The following ZHX2 variants were observed in gnomAD, a reference collection of about 807,000 sequenced individuals.
The protein encoded by ZHX2 is zinc fingers and homeoboxes protein 2.
ZHX2 carries 6 observed loss-of-function variants against 21.9 expected under a neutral mutation model. That is an observed-to-expected ratio of 0.27 (90% CI 0.15 to 0.54). The LOEUF (loss-of-function observed/expected upper bound fraction) is 0.54. ZHX2 is among the 20% of genes least tolerant of loss of function. The pLI is 0.95. For missense variants in ZHX2, 908 were observed against 1,090.7 expected (o/e 0.83, Z 2.36); for synonymous variants, 434 against 437.1 (o/e 0.99, Z 0.09).
At chr8:122,881,849 C>T (rs776125122) in intron 2 of ZHX2, among the ~76,000 whole-genome samples, 6 of 152,166 alleles carry the variant, frequency 3.9e-5, no homozygotes, top group Admixed American at 3.3e-4. Flanking sequence ...CACTGCGCGA[C>T]TCTCACTATC....
intron 3 of ZHX2, among the ~76,000 whole-genome samples, chr8:122,957,968 C>T (rs546821564): frequency 9.1e-4 from 139 of 152,320 alleles, no homozygotes; most frequent in African/African-American, 3.2e-3. Flanking sequence ...TCAGTGATGT[C>T]CCTATTTAAA....
At chr8:122,888,233 C>T (rs772810225) in intron 2 of ZHX2, among the ~76,000 whole-genome samples, 2 of 151,438 alleles carry the variant, frequency 1.3e-5, no homozygotes, top group African/African-American at 2.4e-5. Flanking sequence ...AACACAGAAA[C>T]GGCCCTTGAT....
intron 1 of ZHX2, among the ~76,000 whole-genome samples, chr8:122,809,571 G>T (rs1212609415): frequency 6.6e-6 from 1 of 152,122 alleles, no homozygotes; most frequent in African/African-American, 2.4e-5. Flanking sequence ...ACAGGGGAAA[G>T]AAAACTCACT....
At chr8:122,816,866 A>C (rs1324121138) in intron 1 of ZHX2, among the ~76,000 whole-genome samples, 1 of 152,184 alleles carries the variant, frequency 6.6e-6, no homozygotes, top group Non-Finnish European at 1.5e-5. Context: ...AAATGGCTTA[A>C]CACATTAGGA....
intron 2 of ZHX2, among the ~76,000 whole-genome samples, chr8:122,907,284 A>ACC (rs1202887900): frequency 2.0e-5 from 3 of 152,146 alleles, no homozygotes; most frequent in Non-Finnish European, 4.4e-5. Flanking sequence ...ATGAGACATC[A>ACC]ATCAGCATAT....
At chr8:122,960,496 C>T (rs1813415087) in intron 3 of ZHX2, among the ~76,000 whole-genome samples, 1 of 152,124 alleles carries the variant, frequency 6.6e-6, no homozygotes, top group South Asian at 2.1e-4. Flanking sequence ...CGAGATCGCA[C>T]AACAGCACTC....
At chr8:122,852,733 AC>A (rs1382132926) in intron 1 of ZHX2, among the ~76,000 whole-genome samples, 1 of 152,134 alleles carries the variant, frequency 6.6e-6, no homozygotes, top group East Asian at 1.9e-4. Context: ...ATGGGACGAG[AC>A]GGGGCAGAGC....
intron 2 of ZHX2, among the ~76,000 whole-genome samples, chr8:122,927,809 A>G (rs1047834022): frequency 6.6e-6 from 1 of 152,228 alleles, no homozygotes; most frequent in African/African-American, 2.4e-5. Flanking sequence ...GGGTGGGGAC[A>G]GAGCCAAACC....
chr8:122,902,760 GAAT>G (rs1197356163), intron 2 of ZHX2, among the ~76,000 whole-genome samples: 2 of 152,170 alleles, frequency 1.3e-5, no homozygotes, highest in African/African-American at 4.8e-5. Flanking sequence ...ACATAGTACT[GAAT>G]AATGTTTAAT....
intron 2 of ZHX2, among the ~76,000 whole-genome samples, chr8:122,926,060 A>T (rs1189108241): frequency 6.6e-6 from 1 of 152,178 alleles, no homozygotes; most frequent in Non-Finnish European, 1.5e-5. Flanking sequence ...TCCTTCACAG[A>T]AGCCACACGC....
intron 2 of ZHX2, among the ~76,000 whole-genome samples, chr8:122,933,540 G>A (rs181603202): frequency 2.6e-5 from 4 of 152,088 alleles, no homozygotes; most frequent in Admixed American, 6.5e-5. Context: ...CAGCTGTTAC[G>A]ATTCTTTCCA....
At chr8:122,871,389 G>A (rs531065400) in intron 2 of ZHX2, among the ~76,000 whole-genome samples, 7 of 151,920 alleles carry the variant, frequency 4.6e-5, no homozygotes, top group African/African-American at 1.7e-4. Context: ...GGACATGGAT[G>A]AAGCTGGAAA....
chr8:122,832,346 G>A (rs1563746433), intron 1 of ZHX2, among the ~76,000 whole-genome samples: 1 of 152,196 alleles, frequency 6.6e-6, no homozygotes, highest in African/African-American at 2.4e-5. Context: ...CAAGGGTGAG[G>A]ACAGCAGCTG....
At chr8:122,798,568 A>C (rs1317983799) in intron 1 of ZHX2, among the ~76,000 whole-genome samples, 1 of 152,144 alleles carries the variant, frequency 6.6e-6, no homozygotes, top group African/African-American at 2.4e-5. Context: ...TGAGGCCGAC[A>C]GATCACTGGA....
chr8:122,921,643 C>CAAGA (rs1820742885), intron 2 of ZHX2, among the ~76,000 whole-genome samples: 1 of 129,394 alleles, frequency 7.7e-6, no homozygotes, highest in Non-Finnish European at 1.6e-5. Context: ...GAGACCCCAT[C>CAAGA]AAGAAAGAGA....
At chr8:122,882,314 C>CACAGAGAGAGAG (rs1554630716) in intron 2 of ZHX2, among the ~76,000 whole-genome samples, 4 of 148,272 alleles carry the variant, frequency 2.7e-5, no homozygotes, top group African/African-American at 1.0e-4. Flanking sequence ...CACACACACA[C>CACAGAGAGAGAG]AGAGAGAGAG....
rs368779118 is a variant in ZHX2 at position 122,953,890 on chromosome 8, G to C, written c.2380G>C (p.Val794Leu). The change falls in exon 3 of 4, where the codon GTG becomes CTG. Residue 794 changes from valine to leucine, a missense_variant. Coordinates refer to ENST00000314393, the MANE Select transcript of ZHX2 (RefSeq NM_014943.5). The surrounding 1 kb of genome is among the most constrained non-coding windows in gnomAD (Gnocchi z 4.6). ...ENEESSVVDY[V>L]EVTVGEEDAI... ...CGAGGAGTCGAGCGTTGTGGATTACGTGGAGGTGACGGTCGGGGAGGAGGA... is the reference window on the plus strand; with the variant it reads ...CGAGGAGTCGAGCGTTGTGGATTACCTGGAGGTGACGGTCGGGGAGGAGGA... 6.2e-7 allele frequency: 1 copy of C among 1,614,178 alleles called. No individual in the cohort carries two copies. The highest frequency in any genetic ancestry group is 8.5e-7 in the Non-Finnish European group (1 of 1,180,026).
chr8:122,945,436 C>CAAAAAAAAAAAAAAAAA lies in ZHX2; in HGVS notation c.-219-5845_-219-5829dup, dbSNP rs60890533. ...CTCTTTTATATAAACCCTGTCTCTG[C>CAAAAAAAAAAAAAAAAA]AAAAAAAAAAAAAAAAAAAAAAAAA... On this transcript the variant is annotated intron_variant, in intron 2 of 3. Coordinates refer to ENST00000314393, the MANE Select transcript of ZHX2 (RefSeq NM_014943.5). 4.1e-4 allele frequency among the ~76,000 whole-genome samples: 30 copies of CAAAAAAAAAAAAAAAAA among 73,670 alleles called. 4 individuals are homozygous for CAAAAAAAAAAAAAAAAA. The highest frequency in any genetic ancestry group is 7.5e-4 in the African/African-American group (12 of 15,992). 48.3% of individuals were successfully genotyped at this position (73,670 alleles called of 152,430 possible). A position where few individuals can be genotyped will look rare whatever the true frequency, so the allele number is the denominator to read the frequency against.
chr8:122,851,171 CT>C (rs1467634937), intron 1 of ZHX2, among the ~76,000 whole-genome samples: 2 of 152,090 alleles, frequency 1.3e-5, no homozygotes, highest in African/African-American at 4.8e-5. Context: ...GGCTGGAGAT[CT>C]ATTTTGCAGA....
Sources: gnomAD v4.1 joint callset for allele counts (sites outside exome capture counted in the v4.1 genomes callset) on GRCh38, gnomAD v4.1.1 for gene constraint, Gnocchi (gnomAD v3.1) non-coding constraint, MANE v1.5 for transcripts, NCBI Gene and HGNC (gene_info 2026-07-23, HGNC 2026-07-21) for gene names.